The following MKLN1 variants were observed in gnomAD, a reference collection of about 807,000 sequenced individuals.
MKLN1 encodes muskelin 1, also known as muskelin.
MKLN1 carries 18 observed loss-of-function variants against 99.0 expected under a neutral mutation model. That is an observed-to-expected ratio of 0.18 (90% CI 0.13 to 0.27). The LOEUF is 0.27. Among genes scored for constraint, MKLN1 ranks in the 10% least tolerant of loss-of-function variants. The pLI, the probability that MKLN1 is intolerant of heterozygous loss-of-function variation, is 1.00. For synonymous variants in MKLN1, 288 were observed against 293.2 expected (o/e 0.98, Z 0.18); for missense variants, 621 against 875.9 (o/e 0.71, Z 3.67).
At chr7:131,262,788 C>T (rs536844996) in intron 3 of MKLN1, among the ~76,000 whole-genome samples, 52 of 152,094 alleles carry the variant, frequency 3.4e-4, no homozygotes, top group African/African-American at 1.1e-3. Context: ...CCTCGTGATC[C>T]GCCCACCTCG....
chr7:131,436,731 C>G (rs1199881497), intron 9 of MKLN1, among the ~76,000 whole-genome samples: 1 of 152,144 alleles, frequency 6.6e-6, no homozygotes, highest in African/African-American at 2.4e-5. Flanking sequence ...TAATTAAACC[C>G]TATGCAATTG....
At chr7:131,357,693 G>A (rs756369235) in intron 1 of MKLN1, among the ~76,000 whole-genome samples, 1 of 152,030 alleles carries the variant, frequency 6.6e-6, no homozygotes, top group African/African-American at 2.4e-5. Flanking sequence ...ACTCATGTGC[G>A]CCTTTGACAT....
At chr7:131,173,995 C>T (rs1304834646) in intron 2 of MKLN1, among the ~76,000 whole-genome samples, 2 of 118,292 alleles carry the variant, frequency 1.7e-5, no homozygotes, top group Non-Finnish European at 3.3e-5. Flanking sequence ...TTTTTTGAGA[C>T]GGGAGTCTCG....
chr7:131,404,175 G>T (rs908608944), intron 6 of MKLN1, among the ~76,000 whole-genome samples: 1 of 152,080 alleles, frequency 6.6e-6, no homozygotes, highest in African/African-American at 2.4e-5. Context: ...CTTTTAATGT[G>T]CATGTCTTGT....
chr7:131,456,651 AG>A (rs1306473864), intron 12 of MKLN1, among the ~76,000 whole-genome samples: 1 of 152,166 alleles, frequency 6.6e-6, no homozygotes, highest in African/African-American at 2.4e-5. Flanking sequence ...CCCTTTGTCC[AG>A]GGAGACTGCC....
upstream of MKLN1, chr7:131,327,827 G>A (rs1344909277): frequency 1.3e-6 from 2 of 1,572,308 alleles, no homozygotes; most frequent in South Asian, 1.1e-5. Flanking sequence ...GCCCCTTTAA[G>A]AGCAGGCCAC....
intron 2 of MKLN1, among the ~76,000 whole-genome samples, chr7:131,189,842 T>C (rs914521804): frequency 1.3e-5 from 2 of 152,102 alleles, no homozygotes; most frequent in South Asian, 4.1e-4. Context: ...GTTGATGTTA[T>C]TGAGGAGGTG....
In MKLN1 at chr7:131,231,211, C is replaced by T. The variant is rs111991614; in HGVS notation, c.-179+28237C>T. Among the ~76,000 whole-genome samples, 1,021 of 147,334 alleles carry T rather than the reference C, an allele frequency of 6.9e-3. 11 individuals carry two copies. Among genetic ancestry groups the T allele is most frequent in the African/African-American group, 0.023 (920 of 39,508 alleles). ...TAAACATTTAACTACAGGATTGTAG[C>T]GGTACAGAGGAGGGACAGTTAGCAT... On this transcript the variant is annotated intron_variant, in intron 3 of 7. Coordinates refer to the MKLN1 transcript ENST00000416992.
At chr7:131,297,090 C>T (rs1163070208) in intron 3 of MKLN1, among the ~76,000 whole-genome samples, 5 of 151,954 alleles carry the variant, frequency 3.3e-5, no homozygotes, top group South Asian at 2.1e-4. Context: ...TGGTGGCTCA[C>T]GCCTGTAATC....
chr7:131,288,467 A>G lies in MKLN1; in HGVS notation c.-179+85493A>G, dbSNP rs185555202. 1.2e-4 allele frequency among the ~76,000 whole-genome samples: 19 copies of G among 152,272 alleles called. No homozygotes were observed. The East Asian group carries it at 3.3e-3, about 26-fold the overall frequency. ...AAATGATTTTCAAAATCCCAGCGCA[A>G]TGTGCCTTCAGTTTTGTGCCATGAT... On this transcript the variant is annotated intron_variant, in intron 3 of 7. Coordinates refer to the MKLN1 transcript ENST00000416992.
At position 131,120,562 on chromosome 7, in the gene MKLN1, AAAAG is replaced by A. The variant is rs1237868939; in HGVS notation, c.-419+10359_-419+10362del. Reference sequence around the variant, plus strand: ...AGACTCCCTCTCAAAAAAAAAAAAAAAAAGAAAAAAGAAAAGAAAATTTTTCTGC... The same window carrying A: ...AGACTCCCTCTCAAAAAAAAAAAAAAAAAAAAGAAAAGAAAATTTTTCTGC... On this transcript the variant is annotated intron_variant, in intron 1 of 7. Transcript: ENST00000416992. Among the ~76,000 whole-genome samples the A allele has an allele frequency of 3.3e-3, 494 of 148,062 alleles. 1 individual carries two copies. The highest frequency in any genetic ancestry group is 6.4e-3 in the Admixed American group (94 of 14,764).
chr7:131,167,465 A>G (rs1260860784), intron 2 of MKLN1, among the ~76,000 whole-genome samples: 1 of 152,128 alleles, frequency 6.6e-6, no homozygotes, highest in East Asian at 1.9e-4. Context: ...TGAGCCTAGG[A>G]GTTCAAGACC....
intron 3 of MKLN1, among the ~76,000 whole-genome samples, chr7:131,316,488 G>A (rs113717422): frequency 0.033 from 4,963 of 152,212 alleles, 241 homozygotes; most frequent in African/African-American, 0.11. Flanking sequence ...ATAAATCCAC[G>A]AAGATGAGGA....
At chr7:131,205,346 A>G (rs1796793884) in intron 3 of MKLN1, among the ~76,000 whole-genome samples, 1 of 152,236 alleles carries the variant, frequency 6.6e-6, no homozygotes, top group Non-Finnish European at 1.5e-5. Flanking sequence ...TTTCTGTTGA[A>G]ATTAAAACAT....
chr7:131,434,042 C>T (rs1370309585), intron 9 of MKLN1, among the ~76,000 whole-genome samples: 1 of 152,040 alleles, frequency 6.6e-6, no homozygotes, highest in Admixed American at 6.6e-5. Flanking sequence ...AGCTGAGACC[C>T]ACCTGGCTAA....
chr7:131,385,733 T>A (rs1190486183), intron 2 of MKLN1, among the ~76,000 whole-genome samples: 1 of 152,138 alleles, frequency 6.6e-6, no homozygotes, highest in Non-Finnish European at 1.5e-5. Flanking sequence ...TTTTTGTTGT[T>A]AAATTGTAGG....
intron 2 of MKLN1, among the ~76,000 whole-genome samples, chr7:131,181,527 G>A (rs1487924081): frequency 6.6e-6 from 1 of 152,106 alleles, no homozygotes; most frequent in Non-Finnish European, 1.5e-5. Context: ...GGGCAACACA[G>A]GGAGACTTCA....
chr7:131,111,172 T>C (rs1487492879), intron 1 of MKLN1, among the ~76,000 whole-genome samples: 1 of 152,172 alleles, frequency 6.6e-6, no homozygotes, highest in Non-Finnish European at 1.5e-5. Context: ...AAGGGGTTGA[T>C]GGGATTAACT....
intron 12 of MKLN1, among the ~76,000 whole-genome samples, chr7:131,460,280 A>G (rs1370819442): frequency 1.3e-5 from 2 of 152,008 alleles, no homozygotes; most frequent in Admixed American, 6.6e-5. Context: ...CCTCCTGTCT[A>G]TAATTCATGT....
Sources: gnomAD v4.1 joint callset for allele counts (sites outside exome capture counted in the v4.1 genomes callset) on GRCh38, gnomAD v4.1.1 for gene constraint, MANE v1.5 for transcripts, NCBI Gene and HGNC (gene_info 2026-07-23, HGNC 2026-07-21) for gene names.